The following TENM4 variants were observed in gnomAD, a reference collection of about 807,000 sequenced individuals.
The protein encoded by TENM4 is teneurin transmembrane protein 4.
A neutral mutation model predicts 243.3 loss-of-function variants in TENM4; 82 were observed. The ratio of observed to expected loss-of-function variants is 0.34; its 90% CI spans 0.28 to 0.40. The LOEUF is 0.40. Ranked by LOEUF, TENM4 falls within the 10% of genes least tolerant of loss-of-function variation. The pLI, the probability that TENM4 is intolerant of heterozygous loss-of-function variation, is 1.00. For synonymous variants in TENM4, 1,412 were observed against 1,456.3 expected (o/e 0.97, Z 0.69); for missense variants, 3,138 against 3,673.3 (o/e 0.85, Z 3.77).
At chr11:79,098,223 C>G (rs572659125) in intron 4 of TENM4, among the ~76,000 whole-genome samples, 1 of 41,680 alleles carries the variant, frequency 2.4e-5, no homozygotes, top group South Asian at 6.4e-4. Flanking sequence ...TCTCCCCCAC[C>G]CCCCCCCATC....
intron 12 of TENM4, among the ~76,000 whole-genome samples, chr11:78,816,749 A>T (rs548963273): frequency 6.6e-6 from 1 of 152,350 alleles, no homozygotes; most frequent in South Asian, 2.1e-4. Flanking sequence ...TGAAGCCAAG[A>T]TCTAGGCCTG....
intron 15 of TENM4, among the ~76,000 whole-genome samples, chr11:78,805,088 G>A (rs768881268): frequency 6.6e-6 from 1 of 152,162 alleles, no homozygotes; most frequent in Non-Finnish European, 1.5e-5. Flanking sequence ...TACTATGGAA[G>A]GAATGATGTA....
chr11:78,860,799 G>A (rs529467402), intron 10 of TENM4, among the ~76,000 whole-genome samples: 2 of 152,160 alleles, frequency 1.3e-5, no homozygotes, highest in African/African-American at 4.8e-5. Flanking sequence ...TTGCAAACAG[G>A]ATTTCCATTT....
intron 9 of TENM4, among the ~76,000 whole-genome samples, chr11:78,880,766 T>G (rs1855412923): frequency 6.6e-6 from 1 of 152,220 alleles, no homozygotes; most frequent in South Asian, 2.1e-4. Flanking sequence ...CTGAAATATC[T>G]GAGTTTGGAG....
intron 1 of TENM4, among the ~76,000 whole-genome samples, chr11:79,417,176 G>A (rs1047773648): frequency 6.6e-6 from 1 of 152,180 alleles, no homozygotes. Context: ...GCTCTTTAAA[G>A]GCAGGTGTGT....
At chr11:79,059,313 G>C (rs878878581) in intron 6 of TENM4, among the ~76,000 whole-genome samples, 1 of 152,126 alleles carries the variant, frequency 6.6e-6, no homozygotes, top group Non-Finnish European at 1.5e-5. Flanking sequence ...TCTCTATTGG[G>C]AATGCCTCTC....
Position 79,422,650 on chromosome 11 carries a change from A to G in TENM4, c.-321+17859T>C, listed in dbSNP as rs552599947. Among the ~76,000 whole-genome samples the G allele has an allele frequency of 1.1e-4, 16 of 152,324 alleles. No individual in the cohort carries two copies. The South Asian group carries it at 3.3e-3, about 32-fold the overall frequency. ...GAAAGAAAAATGTTAAATAATTCAGAAGCACTAACATCAAGTCTGAGGTAG... is the reference window on the plus strand; with the variant it reads ...GAAAGAAAAATGTTAAATAATTCAGGAGCACTAACATCAAGTCTGAGGTAG... On this transcript the variant is annotated intron_variant, in intron 1 of 33. Coordinates refer to ENST00000278550, the MANE Select transcript of TENM4 (RefSeq NM_001098816.3).
chr11:78,884,493 A>G (rs1855507810), intron 9 of TENM4, among the ~76,000 whole-genome samples: 1 of 152,192 alleles, frequency 6.6e-6, no homozygotes, highest in East Asian at 1.9e-4. Context: ...GGCTGAAAGC[A>G]TGGCCTTTGA....
At chr11:79,159,748 C>A (rs1862702386) in intron 3 of TENM4, among the ~76,000 whole-genome samples, 1 of 152,160 alleles carries the variant, frequency 6.6e-6, no homozygotes, top group Non-Finnish European at 1.5e-5. Flanking sequence ...ACTACTGGTT[C>A]ACTCACTCGT....
intron 26 of TENM4, among the ~76,000 whole-genome samples, chr11:78,711,748 C>G (rs1326801902): frequency 6.6e-6 from 1 of 152,142 alleles, no homozygotes; most frequent in Non-Finnish European, 1.5e-5. Context: ...AAAAAGCTTT[C>G]CCAGTCTCCA....
intron 3 of TENM4, among the ~76,000 whole-genome samples, chr11:79,195,633 T>A (rs190527570): frequency 6.6e-6 from 1 of 152,294 alleles, no homozygotes; most frequent in Non-Finnish European, 1.5e-5. Flanking sequence ...CCACTTGGAA[T>A]GGCTGTATTT....
rs1859126160 is a variant in TENM4 at position 78,702,240 on chromosome 11, A to G, written c.4373T>C (p.Leu1458Pro). ...CQVPGIDHFL[L>P]SKVAIHATLE... ...GGTTGCGTGGATGGCCACCTTGCTT[A>G]GCAGGAAGTGGTCAATGCCAGGGAC... The change falls in exon 28 of 34, where the codon CTA becomes CCA. Residue 1458 changes from leucine to proline, a missense_variant. Coordinates refer to ENST00000278550, the MANE Select transcript of TENM4 (RefSeq NM_001098816.3). 1 of 1,613,916 alleles carries G rather than the reference A, an allele frequency of 6.2e-7. No individual in the cohort carries two copies. The highest frequency in any genetic ancestry group is 1.1e-5 in the South Asian group (1 of 91,080).
chr11:78,781,959 T>C (rs1856845959), intron 16 of TENM4, among the ~76,000 whole-genome samples: 1 of 152,230 alleles, frequency 6.6e-6, no homozygotes, highest in African/African-American at 2.4e-5. Flanking sequence ...ACTTGTGCTC[T>C]GATAACTTGA....
Position 78,677,977 on chromosome 11 carries a change from T to C in TENM4, c.5261-1590A>G, listed in dbSNP as rs1858526186. On this transcript the variant is annotated intron_variant, in intron 29 of 33. Coordinates refer to ENST00000278550, the MANE Select transcript of TENM4 (RefSeq NM_001098816.3). ...TGTGATATTCCCCTTCCTGTGTCCA[T>C]GTGATCTCATTGTTCAATTCCCACC... is the stretch of plus-strand genomic sequence containing the variant. Among the ~76,000 whole-genome samples the C allele has an allele frequency of 3.6e-5, 4 of 109,600 alleles. 1 individual carries two copies. Among genetic ancestry groups the C allele is most frequent in the African/African-American group, 1.4e-4 (4 of 28,300 alleles). The allele number at this position is 109,600 out of a possible 152,430, so 71.9% of individuals were successfully genotyped here.
intron 28 of TENM4, among the ~76,000 whole-genome samples, chr11:78,695,361 ATTTT>A (rs966256620): frequency 6.6e-6 from 1 of 151,318 alleles, no homozygotes; most frequent in African/African-American, 2.4e-5. Context: ...TGAGTGGACA[ATTTT>A]TTTTGTTTGT....
chr11:79,015,979 A>G (rs1208616392), intron 6 of TENM4, among the ~76,000 whole-genome samples: 1 of 152,166 alleles, frequency 6.6e-6, no homozygotes, highest in East Asian at 1.9e-4. Flanking sequence ...GGGGAAGAGC[A>G]TATGTGTAAA....
At chr11:78,686,028 C>T (rs1283598856) in intron 29 of TENM4, among the ~76,000 whole-genome samples, 2 of 152,232 alleles carry the variant, frequency 1.3e-5, no homozygotes, top group Admixed American at 6.5e-5. Context: ...TGACCTTCTC[C>T]TGCCCTCCTC....
rs376382776 is a variant in TENM4 at position 78,952,209 on chromosome 11, C to T, written c.494-48686G>A. The stretch of plus-strand genomic sequence containing the variant: ...AGCCTCATTTTTCCTCCATATCACT[C>T]GAAATCAGAAAGACCTTCCCTATTT... On this transcript the variant is annotated intron_variant, in intron 6 of 33. Transcript: ENST00000278550. Among the ~76,000 whole-genome samples the T allele has an allele frequency of 2.6e-5, 4 of 152,310 alleles. No homozygotes were observed. In the South Asian group the frequency reaches 6.2e-4, roughly 24 times the overall value.
At chr11:78,699,325 T>C (rs749641897) in intron 28 of TENM4, among the ~76,000 whole-genome samples, 8 of 152,222 alleles carry the variant, frequency 5.3e-5, no homozygotes, top group Non-Finnish European at 8.8e-5. Flanking sequence ...GCCAGTGCAG[T>C]TGAAAGAACA....
Sources: gnomAD v4.1 joint callset for allele counts (sites outside exome capture counted in the v4.1 genomes callset) on GRCh38, gnomAD v4.1.1 for gene constraint, MANE v1.5 for transcripts, NCBI Gene and HGNC (gene_info 2026-07-23, HGNC 2026-07-21) for gene names.